Variants in ZWILCH observed in about 807,000 individuals in gnomAD.
ZWILCH encodes the protein zwilch kinetochore protein.
A neutral mutation model predicts 79.9 loss-of-function variants in ZWILCH; 74 were observed. The observed-to-expected ratio is 0.93, with a 90% CI of 0.77 to 1.12. The LOEUF (loss-of-function observed/expected upper bound fraction) is 1.12, where lower values mean the gene tolerates loss of function less well. Ranked by LOEUF, ZWILCH falls within the 50% of genes most tolerant of loss-of-function variation. The pLI, the probability that ZWILCH is intolerant of heterozygous loss-of-function variation, is 0.00. For synonymous variants in ZWILCH, 241 were observed against 228.2 expected (o/e 1.06, Z -0.51); for missense variants, 694 against 687.5 (o/e 1.01, Z -0.11).
intron 2 of ZWILCH, among the ~76,000 whole-genome samples, chr15:66,511,774 C>A (rs1333240397): frequency 1.3e-5 from 2 of 152,000 alleles, no homozygotes; most frequent in Non-Finnish European, 2.9e-5. Flanking sequence ...CACCACCACG[C>A]CCTGTTAATT....
chr15:66,530,839 A>T (rs969979925), intron 12 of ZWILCH, among the ~76,000 whole-genome samples: 1 of 152,222 alleles, frequency 6.6e-6, no homozygotes. Context: ...TACATTCCAG[A>T]GTAAAGGCAT....
At chr15:66,544,650 C>T (rs1257029267) in intron 17 of ZWILCH, among the ~76,000 whole-genome samples, 2 of 151,206 alleles carry the variant, frequency 1.3e-5, no homozygotes, top group Non-Finnish European at 2.9e-5. Context: ...GCCAAAAGGA[C>T]AATTTTAAAG....
Position 66,536,034 on chromosome 15 carries a change from T to G in ZWILCH, c.1443T>G (p.Ile481Met). The change falls in exon 15 of 19, where the codon ATT becomes ATG. Residue 481 changes from isoleucine (I) to methionine (M), a missense_variant. Physicochemically the swap from Ile to Met is conservative, Grantham distance 10. Transcript: ENST00000307897. ...TATTAGTCAGTTGCATGCCTTTCAT[T>G]AAATCTCAACATGAACTCCTCTTTT... ...LEILVSCMPFIKSQHELLFSL... is the reference protein window; with the variant it reads ...LEILVSCMPFMKSQHELLFSL... 6.2e-6 allele frequency: 10 copies of G among 1,611,982 alleles called. No individual in the cohort carries two copies. The highest frequency in any genetic ancestry group is 8.5e-6 in the Non-Finnish European group (10 of 1,179,188).
At chr15:66,534,061 G>C (rs1429670717) in intron 14 of ZWILCH, among the ~76,000 whole-genome samples, 21 of 152,088 alleles carry the variant, frequency 1.4e-4, no homozygotes, top group Admixed American at 1.4e-3. Context: ...AGCTGTGATC[G>C]TGGGCTACTT....
At chr15:66,529,264 T>G (rs1199632170) in intron 11 of ZWILCH, among the ~76,000 whole-genome samples, 1 of 152,204 alleles carries the variant, frequency 6.6e-6, no homozygotes, top group Non-Finnish European at 1.5e-5. Flanking sequence ...GAAAAGATAT[T>G]CTTTAGTATT....
At chr15:66,544,724 T>TTTTTTTGTGTGTGTGTG (rs145952622) in intron 17 of ZWILCH, among the ~76,000 whole-genome samples, 1 of 128,488 alleles carries the variant, frequency 7.8e-6, no homozygotes, top group East Asian at 2.5e-4. Context: ...TTTTTGGTTT[T>TTTTTTTGTGTGTGTGTG]TGTGTGTGTG....
At chr15:66,523,399 C>T in intron 7 of ZWILCH, 1 of 279,918 alleles carries the variant, frequency 3.6e-6, no homozygotes, top group Non-Finnish European at 6.6e-6. Context: ...TGGGAAAAGG[C>T]AGGGGAGTGT....
Position 66,537,215 on chromosome 15 carries a change from T to C in ZWILCH, c.1526T>C (p.Ile509Thr), listed in dbSNP as rs890180796. The change falls in exon 16 of 19, where the codon ATT (isoleucine) becomes ACT (threonine). Residue 509 changes from isoleucine to threonine, a missense_variant. Coordinates refer to ENST00000307897, the MANE Select transcript of ZWILCH (RefSeq NM_017975.5). ...CAAAATCCTCTTGATGAGCAACACA[T>C]TTTTCAGCTGCCAGTCAGACCAACT... ...YKQNPLDEQH[I>T]FQLPVRPTAV... 6.8e-6 allele frequency: 11 copies of C among 1,612,724 alleles called. No homozygotes were observed. Among genetic ancestry groups the C allele is most frequent in the Non-Finnish European group, 7.6e-6 (9 of 1,179,520 alleles).
intron 9 of ZWILCH, 38 bp from the exon 10 acceptor site, chr15:66,527,819 G>A: frequency 5.7e-6 from 9 of 1,567,340 alleles, no homozygotes; most frequent in Non-Finnish European, 6.1e-6. Context: ...TTGGAAAGCA[G>A]AAAAATCAAG....
chr15:66,546,893 C>A, intron 18 of ZWILCH, 188 bp downstream of exon 18: 1 of 249,094 alleles, frequency 4.0e-6, no homozygotes, highest in Non-Finnish European at 7.7e-6. Context: ...CTTTTGTGGT[C>A]AACTTTTAAT....
intron 7 of ZWILCH, 106 bp from the exon 8 acceptor site, chr15:66,523,571 A>G (rs917011611): frequency 2.9e-6 from 2 of 682,912 alleles, no homozygotes; most frequent in African/African-American, 3.5e-5. Flanking sequence ...CCTTTATGAA[A>G]TATATTTTTT....
At chr15:66,506,880 T>C (rs62011883) in intron 1 of ZWILCH, among the ~76,000 whole-genome samples, 10,703 of 150,294 alleles carry the variant, frequency 0.071, 431 homozygotes, top group Middle Eastern at 0.11. Context: ...TTTTTTGAGA[T>C]GGAGTCTCGC....
Position 66,518,860 on chromosome 15 carries a change from C to G in ZWILCH, c.321-19C>G. Reference sequence around the variant, plus strand: ...TTGGAAATCTCTATCTATAATTTGTCCTTACTCTTGTTTTAAAGGCAGTTA... The same window carrying G: ...TTGGAAATCTCTATCTATAATTTGTGCTTACTCTTGTTTTAAAGGCAGTTA... On this transcript the variant is annotated intron_variant, in intron 4 of 18. Transcript: ENST00000307897. 1.9e-6 allele frequency: 3 copies of G among 1,605,310 alleles called. No individual in the cohort carries two copies. The highest frequency in any genetic ancestry group is 2.6e-6 in the Non-Finnish European group (3 of 1,172,232).
Position 66,511,506 on chromosome 15 carries a change from A to AG in ZWILCH, c.106-2482_106-2481insG, listed in dbSNP as rs1443182860. Among the ~76,000 whole-genome samples, 4 of 152,090 alleles carry AG rather than the reference A, an allele frequency of 2.6e-5. No homozygotes were observed. In the East Asian group the frequency reaches 7.7e-4, roughly 29 times the overall value. On this transcript the variant is annotated intron_variant, in intron 2 of 18. Coordinates refer to ENST00000307897, the MANE Select transcript of ZWILCH (RefSeq NM_017975.5). ...AGAGCCTGTCTTCCAAAAAAAAAAA[A>AG]AAAAGATAAAAAGAAACTGTTCACC...
rs1358018874 is a variant in ZWILCH at position 66,529,707 on chromosome 15, CCTTTA to C, written c.1155+139_1155+143del. ...CTAGCTGTGTAAAGTTCGGCAGGTTCCTTTACTTTTCTTGTGCCCCAACATCCTCA... is the reference window on the plus strand; with the variant it reads ...CTAGCTGTGTAAAGTTCGGCAGGTTCCTTTTCTTGTGCCCCAACATCCTCA... On this transcript the variant is annotated intron_variant, in intron 12 of 18. Transcript: ENST00000307897. 6.3e-6 allele frequency: 4 copies of C among 632,172 alleles called. No homozygotes were observed. In the African/African-American group the frequency reaches 7.4e-5, roughly 12 times the overall value. 39.2% of individuals were successfully genotyped at this position (632,172 alleles called of 1,614,324 possible). A position where few individuals can be genotyped will look rare whatever the true frequency, so the allele number is the denominator to read the frequency against.
At chr15:66,507,909 A>G (rs1278412838) in intron 1 of ZWILCH, among the ~76,000 whole-genome samples, 2 of 150,536 alleles carry the variant, frequency 1.3e-5, no homozygotes, top group Admixed American at 6.7e-5. Flanking sequence ...CTCCAACTCC[A>G]GCCTGGGCCA....
At chr15:66,515,960 C>T (rs2140752132) in intron 4 of ZWILCH, among the ~76,000 whole-genome samples, 1 of 152,346 alleles carries the variant, frequency 6.6e-6, no homozygotes, top group Middle Eastern at 3.4e-3. Context: ...GACCAAGCTT[C>T]TTTCCTGCTT....
chr15:66,505,985 A>C (rs764439283), intron 1 of ZWILCH, among the ~76,000 whole-genome samples: 16 of 152,234 alleles, frequency 1.1e-4, no homozygotes, highest in Non-Finnish European at 1.9e-4. Context: ...TTTAGCATGC[A>C]TCAGAATCAC....
At chr15:66,527,632 C>T (rs1894718482) in intron 9 of ZWILCH, among the ~76,000 whole-genome samples, 1 of 152,110 alleles carries the variant, frequency 6.6e-6, no homozygotes, top group Non-Finnish European at 1.5e-5. Context: ...TGAATACCTA[C>T]CATGTGCCTG....
Sources: gnomAD v4.1 joint callset for allele counts (sites outside exome capture counted in the v4.1 genomes callset) on GRCh38, gnomAD v4.1.1 for gene constraint, MANE v1.5 for transcripts, NCBI Gene and HGNC (gene_info 2026-07-23, HGNC 2026-07-21) for gene names.